The following CAPS2 variants were observed in gnomAD, a reference collection of about 807,000 sequenced individuals.
CAPS2 encodes the protein calcyphosine 2, also known as calcyphosin-2.
A neutral mutation model predicts 86.5 loss-of-function variants in CAPS2; 98 were observed. That is an observed-to-expected ratio of 1.13 (90% CI 0.96 to 1.34). The LOEUF (loss-of-function observed/expected upper bound fraction) is 1.34, where lower values mean the gene tolerates loss of function less well. Among genes scored for constraint, CAPS2 ranks in the 40% most tolerant of loss-of-function variants. The pLI is 0.00. For synonymous variants in CAPS2, 210 were observed against 225.1 expected (o/e 0.93, Z 0.60); for missense variants, 729 against 686.8 (o/e 1.06, Z -0.69).
intron 16 of CAPS2, among the ~76,000 whole-genome samples, chr12:75,279,642 A>G (rs554785566): frequency 6.6e-6 from 1 of 152,158 alleles, no homozygotes; most frequent in South Asian, 2.1e-4. Context: ...TAAAGGAATG[A>G]AATCTACTTT....
At chr12:75,276,349 C>T (rs1188028446), downstream of CAPS2, 3 of 1,440,414 alleles carry the variant, frequency 2.1e-6, no homozygotes, top group South Asian at 4.5e-5. Context: ...GTAAACATAG[C>T]CTAATGTACA....
intron 13 of CAPS2, among the ~76,000 whole-genome samples, chr12:75,291,026 GTCTAA>G (rs1371619949): frequency 2.6e-5 from 4 of 151,862 alleles, no homozygotes; most frequent in Non-Finnish European, 5.9e-5. Flanking sequence ...CAGAGTAACT[GTCTAA>G]TCGAGTCTAC....
chr12:75,298,911 A>G (rs770647494), exon 10 of CAPS2: 3 of 1,611,628 alleles, frequency 1.9e-6, no homozygotes, highest in Non-Finnish European at 2.5e-6. Flanking sequence ...ATTGTAAGGG[A>G]TTGGTCATGA....
intron 1 of CAPS2, among the ~76,000 whole-genome samples, chr12:75,343,326 T>C (rs566861751): frequency 8.3e-4 from 127 of 152,170 alleles, no homozygotes; most frequent in African/African-American, 2.9e-3. Context: ...TTTTTTGCCC[T>C]TTTTAATTAT....
chr12:75,341,735 C>T (rs1445205125), intron 1 of CAPS2, among the ~76,000 whole-genome samples: 2 of 149,738 alleles, frequency 1.3e-5, no homozygotes, highest in Non-Finnish European at 3.0e-5. Flanking sequence ...CGTGAGCCAC[C>T]GCGCCCGGCC....
chr12:75,326,610 C>T (rs2040811744), upstream of CAPS2: 2 of 685,562 alleles, frequency 2.9e-6, no homozygotes, highest in Non-Finnish European at 5.2e-6. Flanking sequence ...AACAAGTCTA[C>T]CTGGAAAGAA....
chr12:75,285,124 T>A, intron 14 of CAPS2, 44 bp from the exon 15 acceptor site: 1 of 1,582,306 alleles, frequency 6.3e-7, no homozygotes, highest in Admixed American at 1.8e-5. Flanking sequence ...AAGTTACATA[T>A]CGTCACAACA....
intron 1 of CAPS2, among the ~76,000 whole-genome samples, chr12:75,374,111 T>A (rs765401976): frequency 6.6e-6 from 1 of 152,202 alleles, no homozygotes; most frequent in African/African-American, 2.4e-5. Context: ...CTACTGTGAT[T>A]CACCTATGGG....
At chr12:75,337,426 C>CT (rs1156780398) in intron 1 of CAPS2, among the ~76,000 whole-genome samples, 5 of 151,600 alleles carry the variant, frequency 3.3e-5, no homozygotes, top group African/African-American at 1.2e-4. Context: ...TAAAAAACTC[C>CT]ACACATTAAA....
chr12:75,302,121 C>T (rs1311072321), intron 8 of CAPS2, among the ~76,000 whole-genome samples: 7 of 152,128 alleles, frequency 4.6e-5, no homozygotes, highest in Middle Eastern at 3.2e-3. Flanking sequence ...GTACTACTCA[C>T]GCCAATTCCT....
intron 1 of CAPS2, among the ~76,000 whole-genome samples, chr12:75,346,716 T>G (rs937912524): frequency 1.1e-4 from 16 of 152,202 alleles, no homozygotes; most frequent in Non-Finnish European, 2.1e-4. Flanking sequence ...ATATTTTTTT[T>G]GCTGGTAAAA....
chr12:75,351,617 A>T (rs2042821214), intron 1 of CAPS2, among the ~76,000 whole-genome samples: 1 of 148,634 alleles, frequency 6.7e-6, no homozygotes, highest in African/African-American at 2.5e-5. Context: ...TGTGATCTTG[A>T]CTTACTACCA....
chr12:75,322,414 C>T (rs1284962684), intron 4 of CAPS2, among the ~76,000 whole-genome samples: 1 of 152,102 alleles, frequency 6.6e-6, no homozygotes, highest in East Asian at 1.9e-4. Flanking sequence ...ATGTCTAACC[C>T]ACAGGAGAAG....
exon 17 of CAPS2, chr12:75,279,007 G>A (rs2033394947): frequency 9.3e-6 from 15 of 1,610,248 alleles, no homozygotes; most frequent in East Asian, 2.2e-5. Context: ...CAGACTTGCT[G>A]CAGGCAACTT....
At chr12:75,337,927 T>C (rs1049021359) in intron 1 of CAPS2, among the ~76,000 whole-genome samples, 1 of 152,098 alleles carries the variant, frequency 6.6e-6, no homozygotes, top group Admixed American at 6.5e-5. Flanking sequence ...ATTTAACCAA[T>C]GTATGAATGA....
chr12:75,335,685 CTACTG>C (rs541856144), intron 1 of CAPS2, among the ~76,000 whole-genome samples: 58 of 152,072 alleles, frequency 3.8e-4, no homozygotes, highest in African/African-American at 1.3e-3. Context: ...CTGTACTAGT[CTACTG>C]TATAAGAAAA....
chr12:75,289,731 T>C, exon 14 of CAPS2: 1 of 1,612,720 alleles, frequency 6.2e-7, no homozygotes, highest in South Asian at 1.1e-5. Context: ...CCCAATCCAG[T>C]CAAAATACGA....
chr12:75,305,052 C>A lies in CAPS2; in HGVS notation c.660-176G>T, dbSNP rs2038288597. The A allele has an allele frequency of 8.6e-6, 4 of 463,860 alleles. No individual in the cohort carries two copies. In the South Asian group the frequency reaches 1.8e-4, roughly 20 times the overall value. The allele number at this position is 463,860 out of a possible 1,614,324, so 28.7% of individuals were successfully genotyped here. A position where few individuals can be genotyped will look rare whatever the true frequency, so the allele number is the denominator to read the frequency against. On this transcript the variant is annotated intron_variant, in intron 7 of 16. Transcript: ENST00000393284. ...TATTTTCCATAAGAAAGTAAATATT[C>A]CTATCTCTTTTTCCAGAAGTATTAT...
At chr12:75,336,465 GA>G (rs1486131272) in intron 1 of CAPS2, among the ~76,000 whole-genome samples, 3 of 151,538 alleles carry the variant, frequency 2.0e-5, no homozygotes, top group African/African-American at 7.3e-5. Flanking sequence ...TAAAAAGATG[GA>G]AAAAATACAT....
Sources: allele counts gnomAD v4.1 joint callset (sites outside exome capture counted in the v4.1 genomes callset), GRCh38; gene constraint gnomAD v4.1.1; transcripts MANE v1.5; gene names NCBI Gene and HGNC (gene_info 2026-07-23, HGNC 2026-07-21).